PEPD: variants seen among roughly 807,000 people sequenced by gnomAD.
PEPD encodes the protein xaa-Pro dipeptidase.
PEPD carries 53 observed loss-of-function variants against 60.7 expected under a neutral mutation model. That is an observed-to-expected ratio of 0.87 (90% CI 0.70 to 1.10). PEPD has a LOEUF of 1.10. PEPD is among the 50% of genes least tolerant of loss of function. The probability of loss-of-function intolerance (pLI) is 0.00; values close to 1 mark genes in which losing one functional copy is unlikely to be tolerated. For synonymous variants in PEPD, 267 were observed against 284.1 expected (o/e 0.94, Z 0.60); for missense variants, 711 against 711.9 (o/e 1.00, Z 0.01).
intron 12 of PEPD, among the ~76,000 whole-genome samples, chr19:33,394,445 C>T (rs144174684): frequency 3.9e-5 from 6 of 152,272 alleles, no homozygotes; most frequent in Admixed American, 3.9e-4. Flanking sequence ...TGTGCACCCT[C>T]GGGGAAGGCC....
intron 9 of PEPD, among the ~76,000 whole-genome samples, chr19:33,421,897 A>G (rs1028605825): frequency 1.4e-4 from 22 of 151,980 alleles, no homozygotes; most frequent in Admixed American, 6.6e-5. Flanking sequence ...CTCCCCTGGG[A>G]GATGGCGATG....
At chr19:33,437,479 A>AGAGGAGACACGGGGGCAGGCC (rs1969400243) in intron 9 of PEPD, among the ~76,000 whole-genome samples, 1 of 151,922 alleles carries the variant, frequency 6.6e-6, no homozygotes, top group South Asian at 2.1e-4. Context: ...ATTAACAGCC[A>AGAGGAGACACGGGGGCAGGCC]GAGGAGACAC....
intron 13 of PEPD, 99 bp from the exon 14 acceptor site, chr19:33,388,180 G>A (rs1473496080): frequency 1.9e-6 from 2 of 1,029,262 alleles, no homozygotes; most frequent in South Asian, 1.4e-5. Flanking sequence ...CCAGTCTCGT[G>A]GGCTCTCTTG....
rs531617855 is a variant in PEPD, at chr19:33,506,774, CCA to C, written c.329+4252_329+4253del. Among the ~76,000 whole-genome samples, 22 of 148,804 alleles carry C rather than the reference CCA, an allele frequency of 1.5e-4. No individual in the cohort carries two copies. The South Asian group carries it at 3.2e-3, about 22-fold the overall frequency. ...ACACCCATCACAAAAAACCTACACA[CCA>C]CACACACACCCCATCACAAACACCC... is the stretch of plus-strand genomic sequence containing the variant. On this transcript the variant is annotated intron_variant, in intron 3 of 14. Coordinates refer to ENST00000244137, the MANE Select transcript of PEPD (RefSeq NM_000285.4).
chr19:33,504,253 G>A (rs974713105), intron 3 of PEPD, among the ~76,000 whole-genome samples: 2 of 152,244 alleles, frequency 1.3e-5, no homozygotes, highest in African/African-American at 4.8e-5. Flanking sequence ...GCCATGATTT[G>A]GTGGGGTTGA....
chr19:33,476,145 C>T (rs1203416555), intron 7 of PEPD, among the ~76,000 whole-genome samples: 3 of 152,164 alleles, frequency 2.0e-5, no homozygotes, highest in South Asian at 2.1e-4. Flanking sequence ...GGATTACAGG[C>T]GTGAGCCACC....
chr19:33,469,662 A>G (rs1034005994), intron 7 of PEPD, among the ~76,000 whole-genome samples: 3 of 151,934 alleles, frequency 2.0e-5, no homozygotes, highest in Non-Finnish European at 2.9e-5. Context: ...CTCCTGCTAG[A>G]AGCTCCATGG....
chr19:33,387,652 C>T, intron 14 of PEPD, 171 bp from the exon 15 acceptor site: 2 of 891,070 alleles, frequency 2.2e-6, no homozygotes, highest in Non-Finnish European at 3.6e-6. Context: ...GTCACCTGCT[C>T]ACCCTGTCTT....
At chr19:33,418,804 T>C (rs8182584) in intron 9 of PEPD, among the ~76,000 whole-genome samples, 12 of 151,996 alleles carry the variant, frequency 7.9e-5, no homozygotes, top group Admixed American at 2.0e-4. Context: ...ATGAGCACCC[T>C]CTGAGGCTCC....
chr19:33,469,195 T>TCTCTATGGC (rs1970076346), intron 7 of PEPD, among the ~76,000 whole-genome samples: 1 of 152,078 alleles, frequency 6.6e-6, no homozygotes, highest in Admixed American at 6.5e-5. Flanking sequence ...CCCTGGCCCT[T>TCTCTATGGC]CTCTATGGCC....
rs1969890650 is a variant in PEPD, at chr19:33,459,667, C to T, written c.671+3328G>A. ...GGAGTCTTCATAAATGCCATCCGCT[C>T]GCTCACTTTTTTTTTTTAACATGCC... On this transcript the variant is annotated intron_variant, in intron 9 of 14. Transcript: ENST00000244137. 3.7e-5 allele frequency among the ~76,000 whole-genome samples: 5 copies of T among 133,506 alleles called. No homozygotes were observed. In the South Asian group the frequency reaches 6.7e-4, roughly 18 times the overall value. 87.6% of individuals were successfully genotyped at this position (133,506 alleles called of 152,430 possible). A position where few individuals can be genotyped will look rare whatever the true frequency, so the allele number is the denominator to read the frequency against.
At chr19:33,476,854 G>A (rs1235278889) in intron 7 of PEPD, among the ~76,000 whole-genome samples, 3 of 151,940 alleles carry the variant, frequency 2.0e-5, no homozygotes, top group Admixed American at 6.6e-5. Flanking sequence ...TAGTAGAGAC[G>A]GGGTTTCACT....
chr19:33,471,053 G>T lies in PEPD; in HGVS notation c.549-6991C>A, dbSNP rs576887602. Among the ~76,000 whole-genome samples, 7 of 152,286 alleles carry T rather than the reference G, an allele frequency of 4.6e-5. No individual in the cohort carries two copies. In the South Asian group the frequency reaches 1.2e-3, roughly 27 times the overall value. ...GGACCACATCCTCCTCCCAGCAGAG[G>T]TGATAATCATCTCTGCCATCGAGGC... On this transcript the variant is annotated intron_variant, in intron 7 of 14. Transcript: ENST00000244137.
At chr19:33,402,858 C>T (rs559102655) in intron 11 of PEPD, among the ~76,000 whole-genome samples, 2 of 152,308 alleles carry the variant, frequency 1.3e-5, no homozygotes, top group African/African-American at 4.8e-5. Flanking sequence ...GGACAGATGA[C>T]AGGAGGCCTG....
rs1969143049 is a variant in PEPD, at chr19:33,426,142, C to CT, written c.672-12500_672-12499insA. On this transcript the variant is annotated intron_variant, in intron 9 of 14. Transcript: ENST00000244137. ...GCCCAGGTTCAATATTTAGGGAACACATGTTTGGCAGAGGATCTCAGGTCT... is the reference window on the plus strand; with the variant it reads ...GCCCAGGTTCAATATTTAGGGAACACTATGTTTGGCAGAGGATCTCAGGTCT... Among the ~76,000 whole-genome samples, 4 of 152,238 alleles carry CT rather than the reference C, an allele frequency of 2.6e-5. No individual in the cohort carries two copies. The South Asian group carries it at 8.3e-4, about 32-fold the overall frequency.
At chr19:33,435,466 T>G (rs1353757813) in intron 9 of PEPD, among the ~76,000 whole-genome samples, 1 of 152,114 alleles carries the variant, frequency 6.6e-6, no homozygotes, top group Non-Finnish European at 1.5e-5. Context: ...CAGGGACAGG[T>G]GCCAGGAGGT....
intron 9 of PEPD, among the ~76,000 whole-genome samples, chr19:33,422,927 CATCT>C (rs1214952761): frequency 6.6e-6 from 1 of 151,778 alleles, no homozygotes; most frequent in Non-Finnish European, 1.5e-5. Context: ...ACCTACGTAT[CATCT>C]ATCCATTTAT....
At chr19:33,392,428 A>G (rs1009193397) in intron 12 of PEPD, among the ~76,000 whole-genome samples, 1 of 152,200 alleles carries the variant, frequency 6.6e-6, no homozygotes, top group Non-Finnish European at 1.5e-5. Context: ...ACTTGGCTTG[A>G]GCACCAGATA....
intron 11 of PEPD, among the ~76,000 whole-genome samples, chr19:33,403,738 G>A (rs1415057803): frequency 6.6e-6 from 1 of 152,184 alleles, no homozygotes; most frequent in African/African-American, 2.4e-5. Flanking sequence ...TCCCCAGCCG[G>A]GCACTTTTTA....
Sources: gnomAD v4.1 joint callset for allele counts (sites outside exome capture counted in the v4.1 genomes callset) on GRCh38, gnomAD v4.1.1 for gene constraint, MANE v1.5 for transcripts, NCBI Gene and HGNC (gene_info 2026-07-23, HGNC 2026-07-21) for gene names.